KCTD16: variants seen among roughly 807,000 people sequenced by gnomAD.
KCTD16 encodes potassium channel tetramerization domain containing 16.
In KCTD16, 13 loss-of-function variants were observed where a neutral mutation model predicts 33.2. The ratio of observed to expected loss-of-function variants is 0.39; its 90% CI spans 0.25 to 0.62. The LOEUF (loss-of-function observed/expected upper bound fraction) is 0.62. Ranked by LOEUF, KCTD16 falls within the 20% of genes least tolerant of loss-of-function variation. The pLI, the probability that KCTD16 is intolerant of heterozygous loss-of-function variation, is 0.50. For synonymous variants in KCTD16, 197 were observed against 195.3 expected, an observed-to-expected ratio of 1.01 and a Z score of -0.07; for missense variants, 441 against 525.1, an observed-to-expected ratio of 0.84 and a Z score of 1.57.
At chr5:144,302,193 G>C (rs1279305036) in intron 3 of KCTD16, among the ~76,000 whole-genome samples, 1 of 152,172 alleles carries the variant, frequency 6.6e-6, no homozygotes, top group Non-Finnish European at 1.5e-5. Context: ...AAAGTGAAGA[G>C]ACAGGCAGGT....
intron 3 of KCTD16, among the ~76,000 whole-genome samples, chr5:144,318,509 T>A (rs1288606295): frequency 1.3e-5 from 2 of 152,228 alleles, no homozygotes; most frequent in South Asian, 4.1e-4. Context: ...CAGCAGATAC[T>A]TTTTGTTAGG....
intron 2 of KCTD16, among the ~76,000 whole-genome samples, chr5:144,197,600 G>A (rs1752963083): frequency 6.6e-6 from 1 of 152,182 alleles, no homozygotes; most frequent in South Asian, 2.1e-4. Flanking sequence ...GGTGATCTAT[G>A]CTGGATTGTG....
At chr5:144,244,664 A>C (rs1346701293) in intron 3 of KCTD16, among the ~76,000 whole-genome samples, 2 of 152,142 alleles carry the variant, frequency 1.3e-5, no homozygotes, top group Non-Finnish European at 2.9e-5. Flanking sequence ...GGGATTGGAG[A>C]GATCTCTATT....
At chr5:144,396,882 G>T (rs1752578187) in intron 3 of KCTD16, among the ~76,000 whole-genome samples, 2 of 146,344 alleles carry the variant, frequency 1.4e-5, no homozygotes, top group Non-Finnish European at 1.5e-5. Flanking sequence ...TTTATGTATT[G>T]TTTTAGCATT....
chr5:144,439,447 G>A, intron 3 of KCTD16: 1 of 305,962 alleles, frequency 3.3e-6, no homozygotes, highest in Non-Finnish European at 6.3e-6. Flanking sequence ...CTATTCCAGT[G>A]CCCGCTACCC....
At chr5:144,259,487 C>G (rs1458240783) in intron 3 of KCTD16, among the ~76,000 whole-genome samples, 3 of 152,266 alleles carry the variant, frequency 2.0e-5, no homozygotes, top group Non-Finnish European at 4.4e-5. Context: ...TACCTGGACT[C>G]AAAGATGTGC....
intron 3 of KCTD16, among the ~76,000 whole-genome samples, chr5:144,429,507 GGGAAGAACTCTGGACCA>G (rs1410857762): frequency 6.6e-6 from 1 of 151,992 alleles, no homozygotes; most frequent in Non-Finnish European, 1.5e-5. Flanking sequence ...AAGGTATCTT[GGGAAGAACTCTGGACCA>G]GGTTGGATCA....
chr5:144,323,995 T>C (rs1469501179), intron 3 of KCTD16, among the ~76,000 whole-genome samples: 2 of 152,206 alleles, frequency 1.3e-5, no homozygotes, highest in Non-Finnish European at 2.9e-5. Flanking sequence ...AGATTTAAGA[T>C]ACTTGGTTAT....
Position 144,340,960 on chromosome 5 carries a change from G to A in KCTD16, c.833-132700G>A, listed in dbSNP as rs185113289. Among the ~76,000 whole-genome samples, 540 of 152,152 alleles carry A rather than the reference G, an allele frequency of 3.5e-3. 3 individuals carry two copies. Among genetic ancestry groups the A allele is most frequent in the African/African-American group, 0.012 (518 of 41,510 alleles). Reference sequence around the variant, plus strand: ...AGCTACTAGGTGAGGCAGGAGAATCGCTTGAACCCAGGAGGTAGAGGTTGC... The same window carrying A: ...AGCTACTAGGTGAGGCAGGAGAATCACTTGAACCCAGGAGGTAGAGGTTGC... On this transcript the variant is annotated intron_variant, in intron 3 of 3. Transcript: ENST00000512467.
chr5:144,229,622 A>G (rs901508410), intron 3 of KCTD16, among the ~76,000 whole-genome samples: 1 of 152,186 alleles, frequency 6.6e-6, no homozygotes, highest in Non-Finnish European at 1.5e-5. Flanking sequence ...GAGTTGGGAA[A>G]CAAGTCCAAG....
At chr5:144,291,886 G>A (rs555725666) in intron 3 of KCTD16, among the ~76,000 whole-genome samples, 66 of 152,186 alleles carry the variant, frequency 4.3e-4, no homozygotes, top group Middle Eastern at 6.8e-3. Flanking sequence ...AAATATTTGC[G>A]CATCATGTCA....
chr5:144,217,664 T>C (rs866905874), intron 3 of KCTD16, among the ~76,000 whole-genome samples: 1 of 152,192 alleles, frequency 6.6e-6, no homozygotes, highest in East Asian at 1.9e-4. Flanking sequence ...TTAAAATGGG[T>C]AGAAAATGTC....
At position 144,177,901 on chromosome 5, in the gene KCTD16, A is replaced by C. The variant is rs540326688; in HGVS notation, c.-327+3429A>C. 3.9e-5 allele frequency among the ~76,000 whole-genome samples: 6 copies of C among 152,326 alleles called. No individual in the cohort carries two copies. In the South Asian group the frequency reaches 1.2e-3, roughly 32 times the overall value. ...GTCTTTTGCTACACACATGCTCGAAAGAACAATAATCTGATTTTTTTTCAC... is the reference window on the plus strand; with the variant it reads ...GTCTTTTGCTACACACATGCTCGAACGAACAATAATCTGATTTTTTTTCAC... On this transcript the variant is annotated intron_variant, in intron 2 of 3. Transcript: ENST00000512467.
At chr5:144,244,976 GATT>G (rs1754509352) in intron 3 of KCTD16, among the ~76,000 whole-genome samples, 2 of 152,182 alleles carry the variant, frequency 1.3e-5, no homozygotes, top group Admixed American at 6.5e-5. Context: ...GAACCTTGGA[GATT>G]ATTATAAGAT....
chr5:144,442,939 C>A (rs1753745626), intron 3 of KCTD16, among the ~76,000 whole-genome samples: 1 of 152,038 alleles, frequency 6.6e-6, no homozygotes, highest in Non-Finnish European at 1.5e-5. Context: ...GAACCTCTAC[C>A]ATCTGGGAAA....
intron 3 of KCTD16, among the ~76,000 whole-genome samples, chr5:144,423,049 C>A (rs1335820763): frequency 6.6e-6 from 1 of 151,948 alleles, no homozygotes; most frequent in Non-Finnish European, 1.5e-5. Context: ...AAAATGGAGC[C>A]ATATATGAAA....
intron 3 of KCTD16, among the ~76,000 whole-genome samples, chr5:144,252,956 A>AT (rs1754743299): frequency 2.1e-5 from 3 of 145,512 alleles, no homozygotes; most frequent in Admixed American, 7.0e-5. Context: ...TGATTGCTTT[A>AT]AAATCAGTAG....
chr5:144,196,907 A>G (rs1214868829), intron 2 of KCTD16, among the ~76,000 whole-genome samples: 1 of 152,192 alleles, frequency 6.6e-6, no homozygotes, highest in African/African-American at 2.4e-5. Context: ...TAAAGGTAAC[A>G]TGCAATTTCC....
chr5:144,272,899 A>C (rs1190727834), intron 3 of KCTD16, among the ~76,000 whole-genome samples: 1 of 152,216 alleles, frequency 6.6e-6, no homozygotes. Context: ...ACAGGGCAAA[A>C]GTTTTACAAC....
Sources: gnomAD v4.1 joint callset for allele counts (sites outside exome capture counted in the v4.1 genomes callset) on GRCh38, gnomAD v4.1.1 for gene constraint, MANE v1.5 for transcripts, NCBI Gene and HGNC (gene_info 2026-07-23, HGNC 2026-07-21) for gene names.